Variants in EPB41L1 observed in about 807,000 individuals in gnomAD.
EPB41L1 encodes erythrocyte membrane protein band 4.1 like 1.
Under a neutral mutation model 97.8 loss-of-function variants are expected in EPB41L1, and 29 were observed. That is an observed-to-expected ratio of 0.30 (90% CI 0.22 to 0.40). EPB41L1 has a LOEUF of 0.40. EPB41L1 is among the 10% of genes least tolerant of loss of function. The pLI, the probability that EPB41L1 is intolerant of heterozygous loss-of-function variation, is 1.00. For synonymous variants in EPB41L1, 383 were observed against 459.2 expected (o/e 0.83, Z 2.12); for missense variants, 812 against 1,162.3 (o/e 0.70, Z 4.38).
intron 2 of EPB41L1, among the ~76,000 whole-genome samples, chr20:36,137,574 G>C (rs1434654134): frequency 6.6e-6 from 1 of 152,000 alleles, no homozygotes; most frequent in Non-Finnish European, 1.5e-5. Context: ...GCCCAGGCTG[G>C]AGTGCAATGG....
At chr20:36,160,792 C>T (rs1476242997) in intron 1 of EPB41L1, among the ~76,000 whole-genome samples, 3 of 152,152 alleles carry the variant, frequency 2.0e-5, no homozygotes, top group Admixed American at 2.0e-4. Flanking sequence ...TGTAACTACA[C>T]ATTGACATCT....
chr20:36,147,006 G>A (rs2059863715), intron 2 of EPB41L1, among the ~76,000 whole-genome samples: 2 of 152,162 alleles, frequency 1.3e-5, no homozygotes, highest in South Asian at 2.1e-4. Context: ...AATTAGCAGT[G>A]CATGGTGGTG....
At chr20:36,137,381 A>C (rs2147800735) in intron 2 of EPB41L1, among the ~76,000 whole-genome samples, 1 of 150,056 alleles carries the variant, frequency 6.7e-6, no homozygotes, top group African/African-American at 2.5e-5. Context: ...GGGGCAGCTA[A>C]TTAAAAAAAA....
chr20:36,178,698 G>T, intron 5 of EPB41L1, 26 bp downstream of exon 5: 1 of 1,613,434 alleles, frequency 6.2e-7, no homozygotes. Context: ...TGTTTGGGGA[G>T]GTGGGTGGGT....
rs115482100 is a variant in EPB41L1, at chr20:36,207,723, G to C, written c.1669-1765G>C. ...ACCAGGAAGCACACACGGAACTAGA[G>C]CCCGTGTCCCCCAATTCAGGCTGTG... On this transcript the variant is annotated intron_variant, in intron 14 of 21. Coordinates refer to ENST00000338074, the MANE Select transcript of EPB41L1 (RefSeq NM_012156.2). This position sits in a 1 kb window ranked among gnomAD's most constrained non-coding sequence, Gnocchi z 4.9. The C allele has an allele frequency of 1.5e-3, 1,891 of 1,289,966 alleles. 24 individuals are homozygous for C. In the African/African-American group the frequency reaches 0.025, roughly 17 times the overall value. 79.9% of individuals were successfully genotyped at this position (1,289,966 alleles called of 1,614,324 possible).
intron 3 of EPB41L1, 65 bp from the exon 4 acceptor site, chr20:36,177,887 G>C: frequency 2.3e-6 from 3 of 1,322,986 alleles, no homozygotes; most frequent in Non-Finnish European, 2.2e-6. Flanking sequence ...GTGGAGCCCA[G>C]GGTATCTCCC....
intron 14 of EPB41L1, among the ~76,000 whole-genome samples, chr20:36,201,393 G>C (rs1252420905): frequency 6.6e-6 from 1 of 152,128 alleles, no homozygotes; most frequent in Non-Finnish European, 1.5e-5. Context: ...TTAGGGTCAG[G>C]GGTCATGCTA....
chr20:36,132,756 G>A (rs1392908710), intron 2 of EPB41L1, among the ~76,000 whole-genome samples: 5 of 152,144 alleles, frequency 3.3e-5, no homozygotes, highest in Admixed American at 1.3e-4. Flanking sequence ...TGGGGGGCCC[G>A]GAAGGAAGGC....
At chr20:36,121,094 C>A (rs6142510) in intron 2 of EPB41L1, among the ~76,000 whole-genome samples, 29,483 of 147,998 alleles carry the variant, frequency 0.2, 3,122 homozygotes, top group Middle Eastern at 0.28. Context: ...AAAAAGAGAG[C>A]GATCTCAGAG....
At chr20:36,121,406 C>T (rs1338570534) in intron 2 of EPB41L1, among the ~76,000 whole-genome samples, 1 of 152,136 alleles carries the variant, frequency 6.6e-6, no homozygotes, top group Non-Finnish European at 1.5e-5. Flanking sequence ...GGGGAGGTAG[C>T]ATGTGCTGGG....
intron 3 of EPB41L1, among the ~76,000 whole-genome samples, chr20:36,177,414 T>A (rs909377917): frequency 1.5e-4 from 23 of 152,180 alleles, no homozygotes; most frequent in Admixed American, 6.5e-5. Flanking sequence ...CATGAGCCTC[T>A]GTGAAACCTC....
chr20:36,144,563 A>G (rs930057113), intron 2 of EPB41L1, among the ~76,000 whole-genome samples: 5 of 152,102 alleles, frequency 3.3e-5, no homozygotes, highest in Admixed American at 6.5e-5. Context: ...TGACATTCTT[A>G]TCCTGGTGGG....
At chr20:36,205,419 G>T (rs753376230) in intron 14 of EPB41L1, among the ~76,000 whole-genome samples, 1 of 152,180 alleles carries the variant, frequency 6.6e-6, no homozygotes, top group African/African-American at 2.4e-5. Flanking sequence ...AATGAGACTG[G>T]ATAACATTGT....
chr20:36,146,654 A>C (rs1001068056), intron 2 of EPB41L1, among the ~76,000 whole-genome samples: 2 of 152,210 alleles, frequency 1.3e-5, no homozygotes, highest in African/African-American at 4.8e-5. Context: ...AGGACTGAAA[A>C]GACAGCAGAG....
intron 1 of EPB41L1, among the ~76,000 whole-genome samples, chr20:36,107,963 C>G (rs1374537591): frequency 6.6e-6 from 1 of 151,894 alleles, no homozygotes; most frequent in Non-Finnish European, 1.5e-5. Flanking sequence ...TAAAATATCT[C>G]TATAGTCTTT....
intron 2 of EPB41L1, among the ~76,000 whole-genome samples, chr20:36,113,288 A>C (rs2058469760): frequency 6.6e-6 from 1 of 152,174 alleles, no homozygotes; most frequent in Non-Finnish European, 1.5e-5. Flanking sequence ...TGCAAATGTC[A>C]CTGTGATGTT....
At chr20:36,119,642 G>C (rs1244380673) in intron 2 of EPB41L1, among the ~76,000 whole-genome samples, 1 of 142,944 alleles carries the variant, frequency 7.0e-6, no homozygotes, top group African/African-American at 2.6e-5. Context: ...AAGCGGAGGG[G>C]AGAGGAGGGG....
intron 3 of EPB41L1, among the ~76,000 whole-genome samples, chr20:36,176,635 T>C (rs942456815): frequency 1.3e-5 from 2 of 150,330 alleles, no homozygotes; most frequent in South Asian, 2.1e-4. Context: ...TTTTTCTTTT[T>C]TTTTTTTTTT....
At chr20:36,126,218 A>AT (rs2147715763) in intron 2 of EPB41L1, among the ~76,000 whole-genome samples, 1 of 152,282 alleles carries the variant, frequency 6.6e-6, no homozygotes, top group Non-Finnish European at 1.5e-5. Context: ...GACACCGTGC[A>AT]TACCTCCTAA....
Sources: allele counts gnomAD v4.1 joint callset (sites outside exome capture counted in the v4.1 genomes callset), GRCh38; gene constraint gnomAD v4.1.1; non-coding constraint Gnocchi (gnomAD v3.1); transcripts MANE v1.5; gene names NCBI Gene and HGNC (gene_info 2026-07-23, HGNC 2026-07-21).